SESN3: variants seen among roughly 807,000 people sequenced by gnomAD.
The protein encoded by SESN3 is sestrin-3.
SESN3 carries 21 observed loss-of-function variants against 55.3 expected under a neutral mutation model. The observed-to-expected ratio is 0.38, with a 90% CI of 0.27 to 0.55. SESN3 has a LOEUF of 0.55. Among genes scored for constraint, SESN3 ranks in the 20% least tolerant of loss-of-function variants. The probability of loss-of-function intolerance (pLI) is 0.76; values close to 1 mark genes in which losing one functional copy is unlikely to be tolerated. For synonymous variants in SESN3, 181 were observed against 203.1 expected (o/e 0.89, Z 0.93); for missense variants, 408 against 604.3 (o/e 0.68, Z 3.41).
intron 6 of SESN3, among the ~76,000 whole-genome samples, chr11:95,183,247 T>A (rs1860088770): frequency 6.6e-6 from 1 of 152,168 alleles, no homozygotes; most frequent in South Asian, 2.1e-4. Context: ...TGGAATTTCC[T>A]GCTGACTAGA....
At position 95,167,596 on chromosome 11, in the gene SESN3, A is replaced by C. The variant is rs938143129; in HGVS notation, c.*5659T>G. On this transcript the variant is annotated 3_prime_UTR_variant, in exon 10 of 10. Coordinates refer to ENST00000536441, the MANE Select transcript of SESN3 (RefSeq NM_144665.4). Reference sequence around the variant, plus strand: ...CCGCCTCATTCAGTCTCCATTATTAAGTCTCATTTCTTAACTAGGATGTCA... The same window carrying C: ...CCGCCTCATTCAGTCTCCATTATTACGTCTCATTTCTTAACTAGGATGTCA... The C allele has an allele frequency of 3.5e-4, 53 of 152,254 alleles. No individual in the cohort carries two copies. Among genetic ancestry groups the C allele is most frequent in the African/African-American group, 1.3e-3 (52 of 41,522 alleles). 9.4% of individuals were successfully genotyped at this position (152,254 alleles called of 1,614,324 possible). A position where few individuals can be genotyped will look rare whatever the true frequency, so the allele number is the denominator to read the frequency against.
intron 1 of SESN3, among the ~76,000 whole-genome samples, chr11:95,194,208 T>G (rs1860319079): frequency 6.6e-6 from 1 of 152,048 alleles, no homozygotes. Flanking sequence ...CCTCATTAAG[T>G]GCGATACAAG....
chr11:95,181,837 C>A (rs543523420), intron 6 of SESN3, among the ~76,000 whole-genome samples: 1 of 152,008 alleles, frequency 6.6e-6, no homozygotes, highest in Admixed American at 6.6e-5. Context: ...CATGGTAAGT[C>A]TACACAAATG....
intron 9 of SESN3, among the ~76,000 whole-genome samples, chr11:95,175,280 C>T (rs1277037033): frequency 6.6e-6 from 1 of 152,168 alleles, no homozygotes; most frequent in African/African-American, 2.4e-5. Context: ...AGAAGAATCA[C>T]TTGAACCCGG....
chr11:95,221,947 G>C (rs1398957298), intron 1 of SESN3, among the ~76,000 whole-genome samples: 1 of 152,168 alleles, frequency 6.6e-6, no homozygotes, highest in Non-Finnish European at 1.5e-5. Context: ...GGGAGTGCCT[G>C]CTGGCCAAGG....
Position 95,169,165 on chromosome 11 carries a change from A to G in SESN3, c.*4090T>C, listed in dbSNP as rs1859804581. 1 of 152,210 alleles carries G rather than the reference A, an allele frequency of 6.6e-6. No individual in the cohort carries two copies. The highest frequency in any genetic ancestry group is 2.1e-4 in the South Asian group (1 of 4,836). The allele number at this position is 152,210 out of a possible 1,614,324, so 9.4% of individuals were successfully genotyped here. ...AAATTAGCATTGAAATAAGCTCCACATACAGTGGGCATATAAGTTCTGTTG... is the reference window on the plus strand; with the variant it reads ...AAATTAGCATTGAAATAAGCTCCACGTACAGTGGGCATATAAGTTCTGTTG... On this transcript the variant is annotated 3_prime_UTR_variant, in exon 10 of 10. Transcript: ENST00000536441.
intron 1 of SESN3, among the ~76,000 whole-genome samples, chr11:95,215,642 A>G (rs1283570506): frequency 6.6e-6 from 1 of 152,204 alleles, no homozygotes; most frequent in Non-Finnish European, 1.5e-5. Context: ...ACCTTGACAA[A>G]CAAATATCTA....
intron 6 of SESN3, chr11:95,182,068 C>T: frequency 3.8e-6 from 1 of 266,390 alleles, no homozygotes; most frequent in Non-Finnish European, 7.5e-6. Context: ...TGGCTAAGGT[C>T]CAAGACTTTC....
intron 1 of SESN3, among the ~76,000 whole-genome samples, chr11:95,218,644 CCT>C (rs1243851866): frequency 1.3e-5 from 2 of 148,180 alleles, no homozygotes; most frequent in Non-Finnish European, 3.0e-5. Flanking sequence ...ATAGATTTAC[CCT>C]CTTTTTTTTT....
Position 95,230,707 on chromosome 11 carries a change from G to GC in SESN3, c.78+75dup. 1 of 1,114,832 alleles carries GC rather than the reference G, an allele frequency of 9.0e-7. No individual in the cohort carries two copies. The highest frequency in any genetic ancestry group is 1.3e-6 in the Non-Finnish European group (1 of 760,198). 69.1% of individuals were successfully genotyped at this position (1,114,832 alleles called of 1,614,324 possible). ...TCCCTCTCAGCCTCCCCCAGTGCGC[G>GC]CCCGGGGACGAGCCGCCCGAGCCCC... is the stretch of plus-strand genomic sequence containing the variant. On this transcript the variant is annotated intron_variant, in intron 1 of 9. Coordinates refer to ENST00000536441, the MANE Select transcript of SESN3 (RefSeq NM_144665.4). This position sits in a 1 kb window ranked among gnomAD's most constrained non-coding sequence, Gnocchi z 4.6.
chr11:95,207,322 T>A lies in SESN3; in HGVS notation c.79-13800A>T, dbSNP rs147368077. ...TTAGATATAGACACCCAAAGAGTAA[T>A]AAACAAAGTAATATATACCTGAATG... On this transcript the variant is annotated intron_variant, in intron 1 of 9. Coordinates refer to ENST00000536441, the MANE Select transcript of SESN3 (RefSeq NM_144665.4). Among the ~76,000 whole-genome samples the A allele has an allele frequency of 8.8e-4, 134 of 151,480 alleles. 6 individuals carry two copies. The highest frequency in any genetic ancestry group is 4.0e-3 in the Admixed American group (61 of 15,136).
chr11:95,181,650 CCT>C (rs1015954900), intron 6 of SESN3, among the ~76,000 whole-genome samples: 3 of 151,990 alleles, frequency 2.0e-5, no homozygotes, highest in African/African-American at 7.2e-5. Context: ...GCTAGTTAAC[CCT>C]GTTACCAAGC....
intron 1 of SESN3, among the ~76,000 whole-genome samples, chr11:95,204,470 G>A (rs1468030488): frequency 6.6e-6 from 1 of 152,018 alleles, no homozygotes; most frequent in Non-Finnish European, 1.5e-5. Context: ...GTTATGTACT[G>A]AATGTTCCTG....
At chr11:95,187,731 T>G (rs1860192276) in intron 4 of SESN3, among the ~76,000 whole-genome samples, 1 of 151,898 alleles carries the variant, frequency 6.6e-6, no homozygotes, top group African/African-American at 2.4e-5. Flanking sequence ...TCCTTCAACC[T>G]GACCTTTGCT....
chr11:95,182,591 G>A (rs951584296), intron 6 of SESN3, among the ~76,000 whole-genome samples: 6 of 152,158 alleles, frequency 3.9e-5, no homozygotes, highest in African/African-American at 1.4e-4. Context: ...ATCTCAACAA[G>A]ATTCCCCAAG....
At chr11:95,173,892 G>A (rs766853614) in intron 9 of SESN3, among the ~76,000 whole-genome samples, 8 of 151,792 alleles carry the variant, frequency 5.3e-5, no homozygotes, top group Admixed American at 1.3e-4. Flanking sequence ...GTTACATCTC[G>A]GCTGATAAGT....
rs71473226 is a variant in SESN3, at chr11:95,176,814, G to C, written c.1247+905C>G. Among the ~76,000 whole-genome samples the C allele has an allele frequency of 7.3e-3, 1,113 of 152,136 alleles. 5 individuals are homozygous for C. The highest frequency in any genetic ancestry group is 0.013 in the Non-Finnish European group (890 of 67,978). On this transcript the variant is annotated intron_variant, in intron 8 of 9. Transcript: ENST00000536441. ...TTATTTTTCTTAAGTAGGTAGATATGATATATATGTGTTTTAAAATGTATT... is the reference window on the plus strand; with the variant it reads ...TTATTTTTCTTAAGTAGGTAGATATCATATATATGTGTTTTAAAATGTATT...
At chr11:95,222,679 A>T (rs1399262166) in intron 1 of SESN3, among the ~76,000 whole-genome samples, 1 of 152,208 alleles carries the variant, frequency 6.6e-6, no homozygotes, top group Non-Finnish European at 1.5e-5. Context: ...AGTGCAATAA[A>T]TGCAGTGCAA....
At position 95,172,756 on chromosome 11, in the gene SESN3, C is replaced by T. The variant is rs1312014860; in HGVS notation, c.*499G>A. 6.6e-6 allele frequency: 1 copy of T among 152,406 alleles called. No homozygotes were observed. The highest frequency in any genetic ancestry group is 6.5e-5 in the Admixed American group (1 of 15,282). The allele number at this position is 152,406 out of a possible 1,614,324, so 9.4% of individuals were successfully genotyped here. A position where few individuals can be genotyped will look rare whatever the true frequency, so the allele number is the denominator to read the frequency against. On this transcript the variant is annotated 3_prime_UTR_variant, in exon 10 of 10. Transcript: ENST00000536441. ...GTGTCCAGTGAGCAGCTTGGTTCAA[C>T]AGCGCATGCTTTTCCTCCACCAGAT...
Sources: gnomAD v4.1 joint callset for allele counts (sites outside exome capture counted in the v4.1 genomes callset) on GRCh38, gnomAD v4.1.1 for gene constraint, Gnocchi (gnomAD v3.1) non-coding constraint, MANE v1.5 for transcripts, NCBI Gene and HGNC (gene_info 2026-07-23, HGNC 2026-07-21) for gene names.